Variants in DPYSL5 observed in about 807,000 individuals in gnomAD.
DPYSL5 encodes the protein dihydropyrimidinase-related protein 5.
DPYSL5 carries 9 observed loss-of-function variants against 58.4 expected under a neutral mutation model. The ratio of observed to expected loss-of-function variants is 0.15; its 90% CI spans 0.09 to 0.27. DPYSL5 has a LOEUF of 0.27. Among genes scored for constraint, DPYSL5 ranks in the 10% least tolerant of loss-of-function variants. The pLI, the probability that DPYSL5 is intolerant of heterozygous loss-of-function variation, is 1.00. For missense variants in DPYSL5, 499 were observed against 770.6 expected (o/e 0.65, Z 4.17); for synonymous variants, 293 against 301.9 (o/e 0.97, Z 0.31).
At chr2:26,861,119 G>A (rs564214342) in intron 1 of DPYSL5, among the ~76,000 whole-genome samples, 2 of 152,258 alleles carry the variant, frequency 1.3e-5, no homozygotes, top group East Asian at 3.9e-4. Flanking sequence ...GCAGGCCTCC[G>A]AAATAAGACA....
chr2:26,944,930 C>G lies in DPYSL5; in HGVS notation c.1609+106C>G, dbSNP rs1040746625. ...TTCTTTTGTGTCCTCTCCTCCCTCCCGTTGCCTATTTCCAGGGATGAGTGC... is the reference window on the plus strand; with the variant it reads ...TTCTTTTGTGTCCTCTCCTCCCTCCGGTTGCCTATTTCCAGGGATGAGTGC... On this transcript the variant is annotated intron_variant, in intron 12 of 12. Coordinates refer to ENST00000288699, the MANE Select transcript of DPYSL5 (RefSeq NM_020134.4). The surrounding 1 kb of genome is among the most constrained non-coding windows in gnomAD (Gnocchi z 4.4). 1.8e-6 allele frequency: 2 copies of G among 1,120,566 alleles called. No homozygotes were observed. The highest frequency in any genetic ancestry group is 3.1e-5 in the African/African-American group (2 of 64,524). The allele number at this position is 1,120,566 out of a possible 1,614,324, so 69.4% of individuals were successfully genotyped here. A position where few individuals can be genotyped will look rare whatever the true frequency, so the allele number is the denominator to read the frequency against.
chr2:26,899,760 T>C (rs1294633116), intron 2 of DPYSL5, among the ~76,000 whole-genome samples: 1 of 152,186 alleles, frequency 6.6e-6, no homozygotes, highest in Non-Finnish European at 1.5e-5. Context: ...ATTGCCCGAC[T>C]GTGCCAAGGC....
At chr2:26,914,156 G>C (rs1278415715) in intron 2 of DPYSL5, among the ~76,000 whole-genome samples, 1 of 152,136 alleles carries the variant, frequency 6.6e-6, no homozygotes, top group Non-Finnish European at 1.5e-5. Context: ...AAAAATACCT[G>C]GATCGCAGCC....
rs747613661 is a variant in DPYSL5 at position 26,905,099 on chromosome 2, G to C, written c.261+6339G>C. 1.3e-5 allele frequency among the ~76,000 whole-genome samples: 2 copies of C among 152,058 alleles called. No homozygotes were observed. The highest frequency in any genetic ancestry group is 2.9e-5 in the Non-Finnish European group (2 of 68,020). ...GCAAATATTTCTCTTGCTATTCTGTGGCCCCAAATTTTGCTGGACCAGATG... is the reference window on the plus strand; with the variant it reads ...GCAAATATTTCTCTTGCTATTCTGTCGCCCCAAATTTTGCTGGACCAGATG... On this transcript the variant is annotated intron_variant, in intron 2 of 12. Transcript: ENST00000288699. This position sits in a 1 kb window ranked among gnomAD's most constrained non-coding sequence, Gnocchi z 4.0.
intron 1 of DPYSL5, among the ~76,000 whole-genome samples, chr2:26,888,565 C>T (rs768100570): frequency 6.6e-6 from 1 of 152,152 alleles, no homozygotes; most frequent in Non-Finnish European, 1.5e-5. Flanking sequence ...AGCGAGCCAC[C>T]GTGCTCAGCC....
rs1249976385 is a variant in DPYSL5 at position 26,942,889 on chromosome 2, G to C, written c.1440+139G>C. 7.1e-6 allele frequency: 7 copies of C among 981,604 alleles called. No homozygotes were observed. The highest frequency in any genetic ancestry group is 1.0e-5 in the Non-Finnish European group (7 of 670,538). 60.8% of individuals were successfully genotyped at this position (981,604 alleles called of 1,614,324 possible). On this transcript the variant is annotated intron_variant, in intron 11 of 12. Transcript: ENST00000288699. The surrounding 1 kb of genome is among the most constrained non-coding windows in gnomAD (Gnocchi z 5.9). ...TTGCACTTTCTCCAGCGTTGAGAGG[G>C]GAGTGTGCGGCAGCGCCAGGGAACG...
intron 1 of DPYSL5, among the ~76,000 whole-genome samples, chr2:26,852,094 G>C (rs1325749473): frequency 6.6e-6 from 1 of 152,164 alleles, no homozygotes; most frequent in African/African-American, 2.4e-5. Context: ...ATCTGATCTT[G>C]TGTATCTTTT....
In DPYSL5 at chr2:26,947,019, G is replaced by A. The variant is rs1344325993; in HGVS notation, c.*24G>A. 1.3e-6 allele frequency: 2 copies of A among 1,576,322 alleles called. No individual in the cohort carries two copies. The highest frequency in any genetic ancestry group is 3.4e-5 in the Admixed American group (2 of 59,410). ...AAAGGCATTGCCAAGCCCCCCGAGT[G>A]AGGACGCACCGCCGCCACCAGCCCG... is the stretch of plus-strand genomic sequence containing the variant. On this transcript the variant is annotated 3_prime_UTR_variant, in exon 13 of 13. Coordinates refer to ENST00000288699, the MANE Select transcript of DPYSL5 (RefSeq NM_020134.4). The surrounding 1 kb of genome is among the most constrained non-coding windows in gnomAD (Gnocchi z 4.2).
intron 8 of DPYSL5, chr2:26,939,824 CTG>C (rs1572720565): frequency 3.5e-6 from 2 of 578,788 alleles, no homozygotes; most frequent in East Asian, 6.0e-5. Context: ...CACAGACAGA[CTG>C]TGCCACACTC....
At chr2:26,858,086 C>A (rs1665921828) in intron 1 of DPYSL5, among the ~76,000 whole-genome samples, 1 of 152,056 alleles carries the variant, frequency 6.6e-6, no homozygotes, top group Admixed American at 6.6e-5. Context: ...CCAAATTGTT[C>A]CTGAGAAAGA....
intron 1 of DPYSL5, among the ~76,000 whole-genome samples, chr2:26,891,679 A>C (rs2148132146): frequency 6.6e-6 from 1 of 151,942 alleles, no homozygotes; most frequent in South Asian, 2.1e-4. Flanking sequence ...TAAATAAATA[A>C]CTTTTTTTTT....
At chr2:26,861,554 G>A (rs1191006191) in intron 1 of DPYSL5, among the ~76,000 whole-genome samples, 3 of 152,214 alleles carry the variant, frequency 2.0e-5, no homozygotes, top group African/African-American at 7.2e-5. Context: ...CTTTCAGTGA[G>A]TGGTATCGGT....
Position 26,947,123 on chromosome 2 carries a change from C to T in DPYSL5, c.*128C>T, listed in dbSNP as rs111795353. On this transcript the variant is annotated 3_prime_UTR_variant, in exon 13 of 13. Transcript: ENST00000288699. This position sits in a 1 kb window ranked among gnomAD's most constrained non-coding sequence, Gnocchi z 4.2. ...CACCCGAGGGGGGCCCCGGGACCCA[C>T]GGAGCCCTCCCTATGTCTGCAAAGT... 1.8e-5 allele frequency: 12 copies of T among 681,930 alleles called. No homozygotes were observed. The highest frequency in any genetic ancestry group is 5.4e-5 in the African/African-American group (3 of 55,784). 42.2% of individuals were successfully genotyped at this position (681,930 alleles called of 1,614,324 possible).
At chr2:26,887,176 AC>A (rs1663740817) in intron 1 of DPYSL5, among the ~76,000 whole-genome samples, 1 of 152,266 alleles carries the variant, frequency 6.6e-6, no homozygotes, top group Admixed American at 6.5e-5. Flanking sequence ...GTAAAATCAT[AC>A]GTTTTTCTGT....
chr2:26,899,579 G>T (rs564993246), intron 2 of DPYSL5, among the ~76,000 whole-genome samples: 3 of 152,278 alleles, frequency 2.0e-5, no homozygotes, highest in Non-Finnish European at 4.4e-5. Flanking sequence ...TGGAACTAGA[G>T]TAGCTGTCCC....
intron 8 of DPYSL5, among the ~76,000 whole-genome samples, chr2:26,935,338 T>C (rs1199169600): frequency 6.6e-6 from 1 of 152,182 alleles, no homozygotes; most frequent in African/African-American, 2.4e-5. Context: ...GACCCAATTA[T>C]GGAAGGGTTT....
Position 26,927,567 on chromosome 2 carries a change from C to A in DPYSL5, c.600+135C>A. On this transcript the variant is annotated intron_variant, in intron 4 of 12. Coordinates refer to ENST00000288699, the MANE Select transcript of DPYSL5 (RefSeq NM_020134.4). This position sits in a 1 kb window ranked among gnomAD's most constrained non-coding sequence, Gnocchi z 4.3. ...GTTGTTAAAGTGTGAGGTGTGGACA[C>A]CCCAGCTGTCAGATCTTGGTCAGAA... 2 of 1,077,510 alleles carry A rather than the reference C, an allele frequency of 1.9e-6. No individual in the cohort carries two copies. The highest frequency in any genetic ancestry group is 2.7e-5 in the East Asian group (1 of 37,372). 66.7% of individuals were successfully genotyped at this position (1,077,510 alleles called of 1,614,324 possible).
At chr2:26,867,023 C>T (rs376794084) in intron 1 of DPYSL5, among the ~76,000 whole-genome samples, 23 of 152,058 alleles carry the variant, frequency 1.5e-4, no homozygotes, top group African/African-American at 5.1e-4. Flanking sequence ...TGTGAGCCAC[C>T]GAGCCTGGAC....
At chr2:26,929,205 T>A (rs1324544736) in intron 5 of DPYSL5, among the ~76,000 whole-genome samples, 1 of 152,108 alleles carries the variant, frequency 6.6e-6, no homozygotes, top group South Asian at 2.1e-4. Flanking sequence ...TGCCTGATGA[T>A]CTGAGGTGGA....
Sources: gnomAD v4.1 joint callset for allele counts (sites outside exome capture counted in the v4.1 genomes callset) on GRCh38, gnomAD v4.1.1 for gene constraint, Gnocchi (gnomAD v3.1) non-coding constraint, MANE v1.5 for transcripts, NCBI Gene and HGNC (gene_info 2026-07-23, HGNC 2026-07-21) for gene names.